Variants in ZDHHC21 observed in about 807,000 individuals in gnomAD.
ZDHHC21 encodes zDHHC palmitoyltransferase 21.
In ZDHHC21, 15 loss-of-function variants were observed where a neutral mutation model predicts 34.6. The ratio of observed to expected loss-of-function variants is 0.43; its 90% CI spans 0.29 to 0.67. ZDHHC21 has a LOEUF of 0.67. ZDHHC21 is among the 30% of genes least tolerant of loss of function. The pLI is 0.14. For synonymous variants in ZDHHC21, 142 were observed against 101.8 expected (o/e 1.40, Z -2.38); for missense variants, 344 against 327.7 (o/e 1.05, Z -0.38).
chr9:14,596,564 C>G, the ZDHHC21 span, among the ~76,000 whole-genome samples: 1 of 152,188 alleles, frequency 6.6e-6, no homozygotes, highest in Non-Finnish European at 1.5e-5. Flanking sequence ...GACCTGGTAC[C>G]ATCTCCTGGT....
intron 3 of ZDHHC21, among the ~76,000 whole-genome samples, chr9:14,675,677 C>G (rs1225263707): frequency 6.6e-6 from 1 of 151,798 alleles, no homozygotes; most frequent in Non-Finnish European, 1.5e-5. Flanking sequence ...ATGGTCTTTG[C>G]TTAAAGGAAC....
In ZDHHC21 at chr9:14,616,831, G is replaced by T. The variant is rs7044386; in HGVS notation, c.*2135C>A. The T allele has an allele frequency of 0.11, 17,100 of 151,676 alleles. 1,044 individuals carry two copies. Among genetic ancestry groups the T allele is most frequent in the Non-Finnish European group, 0.14 (9,658 of 67,720 alleles). 9.4% of individuals were successfully genotyped at this position (151,676 alleles called of 1,614,324 possible). ...TTAGTTTGTAGTCCAATAATTTAGG[G>T]GAACTGAGTACAGAGGGATCAGGAC... On this transcript the variant is annotated 3_prime_UTR_variant, in exon 10 of 10. Transcript: ENST00000380916.
the ZDHHC21 span, among the ~76,000 whole-genome samples, chr9:14,599,653 T>C: frequency 2.6e-5 from 4 of 151,810 alleles, no homozygotes; most frequent in African/African-American, 9.7e-5. Flanking sequence ...CCAAGTGATA[T>C]AGCTCAGTGA....
intron 8 of ZDHHC21, among the ~76,000 whole-genome samples, chr9:14,621,327 A>G (rs182769096): frequency 2.4e-4 from 36 of 152,164 alleles, no homozygotes; most frequent in Admixed American, 5.9e-4. Flanking sequence ...ATTAAGGGCA[A>G]TTTTTACTAT....
rs142456813 is a variant in ZDHHC21 at position 14,613,538 on chromosome 9, A to G, written c.*5428T>C. Reference sequence around the variant, plus strand: ...GTCAAACAGGCAGGCAAAGCCACAAAAAAGCCCACAACTTCTGTTAAGCTA... The same window carrying G: ...GTCAAACAGGCAGGCAAAGCCACAAGAAAGCCCACAACTTCTGTTAAGCTA... On this transcript the variant is annotated 3_prime_UTR_variant, in exon 10 of 10. Coordinates refer to ENST00000380916, the MANE Select transcript of ZDHHC21 (RefSeq NM_178566.6). The G allele has an allele frequency of 1.1e-4, 17 of 151,938 alleles. No individual in the cohort carries two copies. The highest frequency in any genetic ancestry group is 1.9e-4 in the Non-Finnish European group (13 of 67,780). 9.4% of individuals were successfully genotyped at this position (151,938 alleles called of 1,614,324 possible).
chr9:14,622,569 C>T (rs1268296441), intron 8 of ZDHHC21: 35 of 985,128 alleles, frequency 3.6e-5, no homozygotes, highest in Middle Eastern at 5.2e-4. Flanking sequence ...TGGCATAGAG[C>T]GCTTGATGAT....
At chr9:14,633,500 C>T (rs1271241979) in intron 8 of ZDHHC21, among the ~76,000 whole-genome samples, 3 of 152,144 alleles carry the variant, frequency 2.0e-5, no homozygotes, top group African/African-American at 7.2e-5. Context: ...CTGGGTCCCG[C>T]ACAGCCTTTG....
At chr9:14,676,744 A>G (rs1419579882) in intron 3 of ZDHHC21, among the ~76,000 whole-genome samples, 2 of 152,030 alleles carry the variant, frequency 1.3e-5, no homozygotes, top group Non-Finnish European at 2.9e-5. Context: ...AATCATTTTA[A>G]TAAAGGAATC....
At chr9:14,623,689 T>C (rs1825718561) in intron 8 of ZDHHC21, among the ~76,000 whole-genome samples, 1 of 146,690 alleles carries the variant, frequency 6.8e-6, no homozygotes, top group Non-Finnish European at 1.5e-5. Context: ...AATCTGATTC[T>C]AAAACAGAGA....
At chr9:14,628,918 A>T (rs1186270133) in intron 8 of ZDHHC21, among the ~76,000 whole-genome samples, 1 of 152,206 alleles carries the variant, frequency 6.6e-6, no homozygotes, top group African/African-American at 2.4e-5. Context: ...TCTTAAATCA[A>T]TGTGAGGAAG....
chr9:14,604,747 T>C, the ZDHHC21 span, among the ~76,000 whole-genome samples: 10 of 152,300 alleles, frequency 6.6e-5, no homozygotes, highest in South Asian at 1.0e-3. Flanking sequence ...AATTTTTAAA[T>C]ATACAGTACG....
At chr9:14,600,912 T>G in the ZDHHC21 span, among the ~76,000 whole-genome samples, 1 of 152,110 alleles carries the variant, frequency 6.6e-6, no homozygotes, top group Non-Finnish European at 1.5e-5. Context: ...AGGATTCCCT[T>G]TTTAATAAAT....
chr9:14,682,913 T>C (rs183483308), intron 2 of ZDHHC21, among the ~76,000 whole-genome samples: 78 of 152,296 alleles, frequency 5.1e-4, no homozygotes, highest in African/African-American at 1.8e-3. Context: ...ACATGGAAAC[T>C]GAACAACCTG....
At chr9:14,686,174 G>C (rs1838294406) in intron 2 of ZDHHC21, among the ~76,000 whole-genome samples, 1 of 151,660 alleles carries the variant, frequency 6.6e-6, no homozygotes, top group Non-Finnish European at 1.5e-5. Flanking sequence ...TGCATGTTGT[G>C]CACATGTACC....
the ZDHHC21 span, among the ~76,000 whole-genome samples, chr9:14,603,008 C>A: frequency 6.7e-6 from 1 of 149,164 alleles, no homozygotes; most frequent in Admixed American, 6.7e-5. Context: ...AACTTACAGT[C>A]ACAGAAAACA....
the ZDHHC21 span, among the ~76,000 whole-genome samples, chr9:14,596,776 T>C: frequency 6.6e-6 from 1 of 152,166 alleles, no homozygotes; most frequent in Admixed American, 6.5e-5. Context: ...AATAAATTAC[T>C]GGCTGGTGGC....
intron 5 of ZDHHC21, among the ~76,000 whole-genome samples, chr9:14,668,142 C>T (rs1187879455): frequency 9.6e-6 from 1 of 104,190 alleles, no homozygotes; most frequent in African/African-American, 3.7e-5. Flanking sequence ...TGATAAGCAA[C>T]TTCAGCAAAG....
the ZDHHC21 span, among the ~76,000 whole-genome samples, chr9:14,597,988 G>A: frequency 6.6e-6 from 1 of 152,026 alleles, no homozygotes. Flanking sequence ...CGCAACTGGT[G>A]CCCACACATG....
At chr9:14,639,820 C>T (rs1489335937) in intron 8 of ZDHHC21, 76 bp downstream of exon 8, 3 of 837,944 alleles carry the variant, frequency 3.6e-6, no homozygotes, top group Non-Finnish European at 5.2e-6. Context: ...TCTAAACTTC[C>T]TATAACTTTT....
Sources: allele counts gnomAD v4.1 joint callset (sites outside exome capture counted in the v4.1 genomes callset), GRCh38; gene constraint gnomAD v4.1.1; transcripts MANE v1.5; gene names NCBI Gene and HGNC (gene_info 2026-07-23, HGNC 2026-07-21).